LINGO2: variants seen among roughly 807,000 people sequenced by gnomAD.
LINGO2 encodes the protein leucine-rich repeat and immunoglobulin-like domain-containing nogo receptor-interacting protein 2.
A neutral mutation model predicts 30.6 loss-of-function variants in LINGO2; 14 were observed. The observed-to-expected ratio is 0.46, with a 90% CI of 0.30 to 0.72. The LOEUF (loss-of-function observed/expected upper bound fraction) is 0.72, where lower values mean the gene tolerates loss of function less well. Ranked by LOEUF, LINGO2 falls within the 30% of genes least tolerant of loss-of-function variation. LINGO2 has a pLI of 0.07. For missense variants in LINGO2, 729 were observed against 751.7 expected (o/e 0.97, Z 0.35); for synonymous variants, 317 against 288.5 (o/e 1.10, Z -1.00).
At chr9:28,975,342 A>G in the LINGO2 span, among the ~76,000 whole-genome samples, 5 of 152,248 alleles carry the variant, frequency 3.3e-5, no homozygotes, top group Non-Finnish European at 5.9e-5. Context: ...ATGACCTATG[A>G]ACCTCAAGTA....
At chr9:28,588,057 A>C (rs1044203204) in intron 1 of LINGO2, among the ~76,000 whole-genome samples, 1 of 152,034 alleles carries the variant, frequency 6.6e-6, no homozygotes, top group African/African-American at 2.4e-5. Context: ...CCTGGCTCTC[A>C]GTTCTTTATC....
At chr9:28,452,370 T>C (rs1444094739) in intron 2 of LINGO2, among the ~76,000 whole-genome samples, 1 of 151,796 alleles carries the variant, frequency 6.6e-6, no homozygotes, top group East Asian at 1.9e-4. Context: ...TTAAACCATG[T>C]GTGAAACATG....
intron 4 of LINGO2, among the ~76,000 whole-genome samples, chr9:28,092,317 C>A (rs1309158877): frequency 6.6e-6 from 1 of 151,922 alleles, no homozygotes; most frequent in Non-Finnish European, 1.5e-5. Flanking sequence ...CAATGATAGA[C>A]TGGATTAAGA....
At chr9:28,023,367 A>T (rs2383755) in intron 4 of LINGO2, among the ~76,000 whole-genome samples, 142,172 of 144,044 alleles carry the variant, frequency 0.99, 70,184 homozygotes, top group Middle Eastern at 1. Flanking sequence ...TAGAGGAATT[A>T]GAGGCTTCAA....
chr9:27,969,012 CATT>C (rs966949669), intron 5 of LINGO2, among the ~76,000 whole-genome samples: 1 of 151,864 alleles, frequency 6.6e-6, no homozygotes, highest in African/African-American at 2.4e-5. Context: ...TAGGGAATCA[CATT>C]AATATTTACA....
intron 4 of LINGO2, among the ~76,000 whole-genome samples, chr9:28,040,507 C>T (rs1394360513): frequency 1.0e-5 from 1 of 96,338 alleles, no homozygotes; most frequent in African/African-American, 3.1e-5. Context: ...TTTTTCTTTC[C>T]CCTCGAAAGG....
Position 28,173,317 on chromosome 9 carries a change from G to A in LINGO2, c.-87+121891C>T, listed in dbSNP as rs140605058. 9.6e-3 allele frequency among the ~76,000 whole-genome samples: 1,462 copies of A among 152,074 alleles called. 9 individuals are homozygous for A. The highest frequency in any genetic ancestry group is 0.014 in the Non-Finnish European group (962 of 67,982). On this transcript the variant is annotated intron_variant, in intron 4 of 5. Coordinates refer to ENST00000379992, the Ensembl canonical transcript of LINGO2. ...CCTGGCAGCTCACTCTCTTTAAAAT[G>A]GTATTTATATCTGCTGTTTTCTCTT...
At chr9:29,019,421 G>A in the LINGO2 span, among the ~76,000 whole-genome samples, 2 of 152,140 alleles carry the variant, frequency 1.3e-5, no homozygotes, top group Non-Finnish European at 2.9e-5. Flanking sequence ...TTAAACTTAT[G>A]ACACAGTTTT....
At chr9:28,970,598 G>A in the LINGO2 span, among the ~76,000 whole-genome samples, 6 of 152,094 alleles carry the variant, frequency 3.9e-5, no homozygotes, top group Non-Finnish European at 8.8e-5. Flanking sequence ...CAGTTATGAG[G>A]CATTGAACTC....
chr9:28,226,500 AT>A (rs997810918), intron 4 of LINGO2, among the ~76,000 whole-genome samples: 6 of 151,674 alleles, frequency 4.0e-5, no homozygotes, highest in Non-Finnish European at 7.4e-5. Context: ...TAAACAGAGG[AT>A]TTTTTTTAAT....
the LINGO2 span, among the ~76,000 whole-genome samples, chr9:28,707,265 T>A: frequency 2.0e-5 from 3 of 152,110 alleles, no homozygotes; most frequent in Non-Finnish European, 4.4e-5. Flanking sequence ...AATAGAATCA[T>A]ACATATGGCT....
intron 2 of LINGO2, among the ~76,000 whole-genome samples, chr9:28,442,207 CTTCT>C (rs1309274304): frequency 6.6e-6 from 1 of 151,000 alleles, no homozygotes; most frequent in African/African-American, 2.4e-5. Context: ...TTGTTTATTT[CTTCT>C]TTAAGGATAT....
intron 2 of LINGO2, among the ~76,000 whole-genome samples, chr9:28,428,631 A>G (rs982392613): frequency 6.6e-6 from 1 of 152,108 alleles, no homozygotes; most frequent in Non-Finnish European, 1.5e-5. Flanking sequence ...CTTTAATCAG[A>G]GCAGTTGCTG....
intron 1 of LINGO2, among the ~76,000 whole-genome samples, chr9:28,498,746 G>T (rs529268369): frequency 6.6e-6 from 1 of 152,086 alleles, no homozygotes. Context: ...CTTCTGCGTC[G>T]CTCATGCTGG....
At chr9:29,048,956 T>A in the LINGO2 span, among the ~76,000 whole-genome samples, 2 of 152,056 alleles carry the variant, frequency 1.3e-5, no homozygotes, top group Admixed American at 6.6e-5. Context: ...AAAGCAAACA[T>A]GGACAAATGG....
At chr9:28,424,901 G>A (rs568620243) in intron 2 of LINGO2, among the ~76,000 whole-genome samples, 1 of 151,888 alleles carries the variant, frequency 6.6e-6, no homozygotes. Flanking sequence ...ACCATACAGT[G>A]GTTCATTGGT....
At chr9:28,374,206 T>G (rs12350258) in intron 2 of LINGO2, among the ~76,000 whole-genome samples, 1 of 109,904 alleles carries the variant, frequency 9.1e-6, no homozygotes, top group East Asian at 2.9e-4. Context: ...AAATATGTTT[T>G]TATTTATATA....
intron 4 of LINGO2, among the ~76,000 whole-genome samples, chr9:28,180,686 T>C (rs992308376): frequency 4.6e-5 from 7 of 152,196 alleles, no homozygotes; most frequent in African/African-American, 1.7e-4. Context: ...CATTAGCCAG[T>C]GAGTAGAACA....
At chr9:28,239,693 C>T (rs927203052) in intron 4 of LINGO2, among the ~76,000 whole-genome samples, 4 of 151,986 alleles carry the variant, frequency 2.6e-5, no homozygotes, top group African/African-American at 9.7e-5. Flanking sequence ...AATATGAAAA[C>T]ACTAAAAGCT....
Sources: allele counts gnomAD v4.1 joint callset (sites outside exome capture counted in the v4.1 genomes callset), GRCh38; gene constraint gnomAD v4.1.1; transcripts MANE v1.5; gene names NCBI Gene and HGNC (gene_info 2026-07-23, HGNC 2026-07-21).